The following TRPM2 variants were observed in gnomAD, a reference collection of about 807,000 sequenced individuals.
TRPM2 encodes transient receptor potential cation channel subfamily M member 2.
Under a neutral mutation model 174.0 loss-of-function variants are expected in TRPM2, and 161 were observed. The observed-to-expected ratio is 0.93, with a 90% CI of 0.81 to 1.05. TRPM2 has a LOEUF of 1.05. Ranked by LOEUF, TRPM2 falls within the 50% of genes least tolerant of loss-of-function variation. TRPM2 has a pLI of 0.00. For missense variants in TRPM2, 2,057 were observed against 2,038.0 expected (o/e 1.01, Z -0.18); for synonymous variants, 954 against 861.3 (o/e 1.11, Z -1.88).
intron 9 of TRPM2, among the ~76,000 whole-genome samples, chr21:44,387,858 T>G (rs1310837733): frequency 6.6e-6 from 1 of 152,118 alleles, no homozygotes; most frequent in African/African-American, 2.4e-5. Flanking sequence ...TTCAAACACA[T>G]TAGGATAGCT....
At chr21:44,405,072 TGTGACA>T (rs905916069) in intron 16 of TRPM2, 64 bp from the exon 17 acceptor site, 18 of 1,596,730 alleles carry the variant, frequency 1.1e-5, no homozygotes, top group East Asian at 2.2e-5. Flanking sequence ...TGGATAGTGA[TGTGACA>T]GTGACAGTGA....
At chr21:44,395,312 G>A in intron 11 of TRPM2, 102 bp from the exon 12 acceptor site, 1 of 1,414,230 alleles carries the variant, frequency 7.1e-7, no homozygotes, top group Non-Finnish European at 9.4e-7. Flanking sequence ...GAGATCCTGA[G>A]AAGGTCGGGG....
In TRPM2 at chr21:44,441,733, G is replaced by C. The variant is rs2146437204; in HGVS notation, c.4428G>C (p.Gln1476His). Residue 1476 changes from glutamine (Q) to histidine (H), a missense_variant, in exon 32 of 32, where the codon CAG becomes CAC. Physicochemically the swap from Gln to His is conservative, Grantham distance 24. Transcript: ENST00000397928. ...ACDSGASIRW[Q>H]VVDRRIPLYA... Reference sequence around the variant, plus strand: ...ACTCGGGGGCCTCCATCCGATGGCAGGTGGTGGACAGGCGCATCCCACTCT... The same window carrying C: ...ACTCGGGGGCCTCCATCCGATGGCACGTGGTGGACAGGCGCATCCCACTCT... 6.2e-7 allele frequency: 1 copy of C among 1,612,042 alleles called. No individual in the cohort carries two copies. The highest frequency in any genetic ancestry group is 2.2e-5 in the East Asian group (1 of 44,818).
At position 44,426,684 on chromosome 21, in the gene TRPM2, C is replaced by T; in HGVS notation, c.3820C>T (p.Pro1274Ser). Reference sequence around the variant, plus strand: ...GACGGAGTTCCTGATCTATGACCCACCCTTTTACACGGCAGAGAGGAAGGA... The same window carrying T: ...GACGGAGTTCCTGATCTATGACCCATCCTTTTACACGGCAGAGAGGAAGGA... ...WETEFLIYDP[P>S]FYTAERKDAA... The change falls in exon 26 of 32, where the codon CCC (proline) becomes TCC (serine). Residue 1274 changes from proline (P) to serine (S), a missense_variant. By Grantham distance (74) the Pro-to-Ser change is moderately conservative (BLOSUM62 -1). Coordinates refer to ENST00000397928, the MANE Select transcript of TRPM2 (RefSeq NM_003307.4). 1 of 1,614,212 alleles carries T rather than the reference C, an allele frequency of 6.2e-7. No homozygotes were observed. The highest frequency in any genetic ancestry group is 8.5e-7 in the Non-Finnish European group (1 of 1,180,034).
chr21:44,406,800 C>T lies in TRPM2; in HGVS notation c.2962+35C>T, dbSNP rs45488293. On this transcript the variant is annotated intron_variant, in intron 19 of 31. Transcript: ENST00000397928. Reference sequence around the variant, plus strand: ...GGGCGCCATGGGAGCTCGGGTGGTGCTGCCGGGAAGCAGGAGAGAGGCTGG... The same window carrying T: ...GGGCGCCATGGGAGCTCGGGTGGTGTTGCCGGGAAGCAGGAGAGAGGCTGG... 1,624 of 1,572,250 alleles carry T rather than the reference C, an allele frequency of 1.0e-3. 21 individuals carry two copies. In the African/African-American group the frequency reaches 0.02, roughly 19 times the overall value.
At chr21:44,408,124 T>C (rs2049968751) in intron 19 of TRPM2, among the ~76,000 whole-genome samples, 1 of 151,882 alleles carries the variant, frequency 6.6e-6, no homozygotes, top group Admixed American at 6.6e-5. Context: ...TTTTGTATTT[T>C]TTTGTAGAGA....
rs139119006 is a variant in TRPM2, at chr21:44,438,003, C to T, written c.4167+836C>T. Among the ~76,000 whole-genome samples, 419 of 152,386 alleles carry T rather than the reference C, an allele frequency of 2.7e-3. 1 individual carries two copies. The highest frequency in any genetic ancestry group is 9.5e-3 in the African/African-American group (395 of 41,600). On this transcript the variant is annotated intron_variant, in intron 29 of 31. Transcript: ENST00000397928. This position sits in a 1 kb window ranked among gnomAD's most constrained non-coding sequence, Gnocchi z 5.9. Reference sequence around the variant, plus strand: ...AGAAGCTGTTGCATTTCTCTGACCCCGAGCTCACGGCCTGGTGGCTGCCTC... The same window carrying T: ...AGAAGCTGTTGCATTTCTCTGACCCTGAGCTCACGGCCTGGTGGCTGCCTC...
intron 23 of TRPM2, among the ~76,000 whole-genome samples, chr21:44,424,138 C>T (rs1470334640): frequency 1.3e-5 from 2 of 152,216 alleles, no homozygotes; most frequent in East Asian, 1.9e-4. Context: ...CGTCCACCAG[C>T]TGGGCCGGGC....
intron 19 of TRPM2, among the ~76,000 whole-genome samples, chr21:44,409,203 G>A (rs972054234): frequency 1.7e-4 from 26 of 152,200 alleles, no homozygotes; most frequent in African/African-American, 4.1e-4. Context: ...GTGTCCTAGC[G>A]AAAACCATTG....
At chr21:44,426,355 CTCCTTGCCTCTAGGG>C (rs1279579971) in intron 25 of TRPM2, among the ~76,000 whole-genome samples, 1 of 152,206 alleles carries the variant, frequency 6.6e-6, no homozygotes, top group Non-Finnish European at 1.5e-5. Context: ...ACATAGAATC[CTCCTTGCCTCTAGGG>C]TCCAGCTTAG....
chr21:44,441,773 ACC>A lies in TRPM2; in HGVS notation c.4470_4471del (p.Leu1491ProfsTer7). The A allele has an allele frequency of 6.2e-7, 1 of 1,610,362 alleles. No individual in the cohort carries two copies. The highest frequency in any genetic ancestry group is 1.1e-5 in the South Asian group (1 of 90,136). On this transcript the variant is annotated frameshift_variant, in exon 32 of 32. Transcript: ENST00000397928. LOFTEE classifies it high-confidence loss of function. ...CATCCCACTCTATGCGAACCACAAG[ACC>A]CTCCTCCAGAAGGCAGCCGCTGAGT... is the stretch of plus-strand genomic sequence containing the variant. ...RRIPLYANHKTLLQKAAAEFG... is the reference protein window; with the variant it reads ...RRIPLYANHKXLLQKAAAEFG...
At chr21:44,434,336 C>T (rs1011273557) in intron 27 of TRPM2, among the ~76,000 whole-genome samples, 2 of 143,222 alleles carry the variant, frequency 1.4e-5, no homozygotes, top group African/African-American at 5.3e-5. Flanking sequence ...GGCAGGGACG[C>T]TGGCAGGGAT....
chr21:44,419,341 C>T (rs990756056), intron 22 of TRPM2, among the ~76,000 whole-genome samples: 5 of 152,246 alleles, frequency 3.3e-5, no homozygotes, highest in Admixed American at 2.0e-4. Flanking sequence ...TCCTGCCTTT[C>T]CATACCTCCC....
chr21:44,424,269 G>C (rs1321728292), intron 23 of TRPM2, among the ~76,000 whole-genome samples: 1 of 152,220 alleles, frequency 6.6e-6, no homozygotes, highest in Non-Finnish European at 1.5e-5. Flanking sequence ...GCAGGGCTGG[G>C]ACCTGTGCTG....
intron 11 of TRPM2, among the ~76,000 whole-genome samples, chr21:44,392,508 C>T (rs894757376): frequency 1.6e-4 from 24 of 151,892 alleles, no homozygotes; most frequent in African/African-American, 5.8e-4. Context: ...TCAAGTGATC[C>T]TCCTGTCTTG....
intron 19 of TRPM2, among the ~76,000 whole-genome samples, chr21:44,411,114 G>C (rs986511737): frequency 5.3e-5 from 8 of 152,212 alleles, no homozygotes; most frequent in African/African-American, 1.2e-4. Context: ...GGAAGTGTGA[G>C]TCCTAATTTG....
chr21:44,434,857 C>T lies in TRPM2; in HGVS notation c.3975-274C>T, dbSNP rs45593631. On this transcript the variant is annotated intron_variant, in intron 27 of 31. Coordinates refer to ENST00000397928, the MANE Select transcript of TRPM2 (RefSeq NM_003307.4). ...CGTGGGGAGAAGGTGGCCACTTTAG[C>T]CCCTCGCTGGCCTGCAGTGGCCGGA... Among the ~76,000 whole-genome samples, 27,486 of 152,076 alleles carry T rather than the reference C, an allele frequency of 0.18. 2,887 individuals are homozygous for T. The highest frequency in any genetic ancestry group is 0.23 in the Non-Finnish European group (15,442 of 67,942).
At chr21:44,385,012 T>C (rs1399010134) in intron 9 of TRPM2, among the ~76,000 whole-genome samples, 3 of 152,238 alleles carry the variant, frequency 2.0e-5, no homozygotes, top group African/African-American at 7.2e-5. Context: ...ATATCCATTA[T>C]GAACATTGAT....
intron 27 of TRPM2, among the ~76,000 whole-genome samples, chr21:44,434,832 C>T (rs1158174064): frequency 2.0e-5 from 3 of 152,114 alleles, no homozygotes; most frequent in South Asian, 2.1e-4. Context: ...TTCCATGCTC[C>T]GTGGGGAGAA....
Sources: allele counts gnomAD v4.1 joint callset (sites outside exome capture counted in the v4.1 genomes callset), GRCh38; gene constraint gnomAD v4.1.1; non-coding constraint Gnocchi (gnomAD v3.1); transcripts MANE v1.5; gene names NCBI Gene and HGNC (gene_info 2026-07-23, HGNC 2026-07-21).